CIT: variants seen among roughly 807,000 people sequenced by gnomAD.
CIT encodes the protein citron rho-interacting serine/threonine kinase.
Under a neutral mutation model 272.7 loss-of-function variants are expected in CIT, and 79 were observed. The ratio of observed to expected loss-of-function variants is 0.29; its 90% CI spans 0.24 to 0.35. The LOEUF (loss-of-function observed/expected upper bound fraction) is 0.35, where lower values mean the gene tolerates loss of function less well. Ranked by LOEUF, CIT falls within the 10% of genes least tolerant of loss-of-function variation. The pLI is 1.00. For missense variants in CIT, 1,909 were observed against 2,618.3 expected (o/e 0.73, Z 5.91); for synonymous variants, 948 against 995.6 (o/e 0.95, Z 0.90).
rs1473179813 is a variant in CIT at position 119,691,028 on chromosome 12, C to T, written c.5883-574G>A. Among the ~76,000 whole-genome samples, 9 of 152,154 alleles carry T rather than the reference C, an allele frequency of 5.9e-5. No homozygotes were observed. The East Asian group carries it at 7.7e-4, about 13-fold the overall frequency. On this transcript the variant is annotated intron_variant, in intron 46 of 47. Coordinates refer to ENST00000392521, the MANE Select transcript of CIT (RefSeq NM_001206999.2). ...CTCTACTAAAAATACAAAAATTAGC[C>T]GGGCGTGTTGGCGTGTGCCTGTAGT...
intron 9 of CIT, among the ~76,000 whole-genome samples, chr12:119,814,759 A>G (rs976170367): frequency 2.0e-5 from 3 of 152,322 alleles, no homozygotes; most frequent in Admixed American, 1.3e-4. Flanking sequence ...GAACTTTAAA[A>G]GGCCCAAAAC....
Position 119,710,760 on chromosome 12 carries a change from C to T in CIT, c.4855-140G>A, listed in dbSNP as rs1168126497. ...CTCAGAAACGCACATATGCTCTTAG[C>T]TCAGCCCGTATTTTGATCTGAGCTC... On this transcript the variant is annotated intron_variant, in intron 37 of 47. Coordinates refer to ENST00000392521, the MANE Select transcript of CIT (RefSeq NM_001206999.2). The surrounding 1 kb of genome is among the most constrained non-coding windows in gnomAD (Gnocchi z 5.6). 9.8e-6 allele frequency: 8 copies of T among 812,466 alleles called. No homozygotes were observed. The highest frequency in any genetic ancestry group is 1.6e-5 in the Non-Finnish European group (8 of 501,904). The allele number at this position is 812,466 out of a possible 1,614,324, so 50.3% of individuals were successfully genotyped here.
At chr12:119,704,607 A>G in intron 40 of CIT, 152 bp from the exon 41 acceptor site, 1 of 667,984 alleles carries the variant, frequency 1.5e-6, no homozygotes, top group East Asian at 2.7e-5. Context: ...GCATCGCAGG[A>G]TATGAGCAGT....
chr12:119,835,230 C>T (rs1968913702), intron 5 of CIT, among the ~76,000 whole-genome samples: 1 of 152,232 alleles, frequency 6.6e-6, no homozygotes, highest in African/African-American at 2.4e-5. Flanking sequence ...GCGGCTTCAG[C>T]CTCCTGCTGG....
At chr12:119,765,211 C>A (rs184419600) in intron 19 of CIT, among the ~76,000 whole-genome samples, 113 of 151,812 alleles carry the variant, frequency 7.4e-4, no homozygotes, top group African/African-American at 2.7e-3. Context: ...TGAATCTACT[C>A]AAAAGCCCGG....
intron 3 of CIT, among the ~76,000 whole-genome samples, chr12:119,864,255 C>T (rs1432259720): frequency 6.6e-6 from 1 of 152,038 alleles, no homozygotes; most frequent in African/African-American, 2.4e-5. Flanking sequence ...TTGCCAATAA[C>T]AGCCCAATTT....
rs1399046467 is a variant in CIT at position 119,784,367 on chromosome 12, C to T, written c.1402-316G>A. ...TTTGTTTTTGTTTTGTTTTTGCAGA[C>T]GTCACTTTAATTTTATCCCAAATCC... On this transcript the variant is annotated intron_variant, in intron 11 of 47. Coordinates refer to ENST00000392521, the MANE Select transcript of CIT (RefSeq NM_001206999.2). This position sits in a 1 kb window ranked among gnomAD's most constrained non-coding sequence, Gnocchi z 4.7. 2.1e-5 allele frequency: 27 copies of T among 1,280,972 alleles called. No individual in the cohort carries two copies. Among genetic ancestry groups the T allele is most frequent in the Middle Eastern group, 3.2e-4 (1 of 3,102 alleles). 79.4% of individuals were successfully genotyped at this position (1,280,972 alleles called of 1,614,324 possible).
intron 23 of CIT, among the ~76,000 whole-genome samples, chr12:119,747,914 A>G (rs1959677830): frequency 6.6e-6 from 1 of 152,206 alleles, no homozygotes; most frequent in Non-Finnish European, 1.5e-5. Flanking sequence ...CTGTAATCCC[A>G]GCACTTTGAG....
chr12:119,840,066 C>T (rs996621912), intron 5 of CIT, among the ~76,000 whole-genome samples: 7 of 152,132 alleles, frequency 4.6e-5, no homozygotes, highest in Non-Finnish European at 7.3e-5. Context: ...CCAGGAATGC[C>T]GGCATTTGGG....
At chr12:119,801,960 C>G (rs1477226047) in intron 10 of CIT, among the ~76,000 whole-genome samples, 1 of 152,220 alleles carries the variant, frequency 6.6e-6, no homozygotes, top group Non-Finnish European at 1.5e-5. Context: ...CACATTCAAT[C>G]ACAGCCCACA....
intron 28 of CIT, among the ~76,000 whole-genome samples, chr12:119,726,385 A>ATTTTTTTTTTTTTT (rs3999547): frequency 9.9e-6 from 1 of 101,446 alleles, no homozygotes; most frequent in African/African-American, 4.2e-5. Flanking sequence ...CACTTGGCTA[A>ATTTTTTTTTTTTTT]TTTTTTTTTT....
At chr12:119,849,966 G>A (rs762561453) in intron 5 of CIT, among the ~76,000 whole-genome samples, 33 of 152,314 alleles carry the variant, frequency 2.2e-4, no homozygotes, top group East Asian at 5.8e-4. Context: ...GATTACAGGC[G>A]TGAGCCACCA....
intron 23 of CIT, among the ~76,000 whole-genome samples, chr12:119,745,391 A>AAAAAAAAAAAAAAAT (rs1959221939): frequency 6.9e-6 from 1 of 145,300 alleles, no homozygotes; most frequent in African/African-American, 2.5e-5. Context: ...AAAAAAAAAA[A>AAAAAAAAAAAAAAAT]AAAAAAACAC....
At chr12:119,709,678 T>C (rs1957052303) in intron 39 of CIT, among the ~76,000 whole-genome samples, 1 of 152,036 alleles carries the variant, frequency 6.6e-6, no homozygotes, top group Non-Finnish European at 1.5e-5. Context: ...ACCCTGGTTA[T>C]GTGACAGAAT....
At chr12:119,699,873 G>A (rs1375625501) in intron 44 of CIT, 2 of 455,958 alleles carry the variant, frequency 4.4e-6, no homozygotes, top group African/African-American at 2.0e-5. Flanking sequence ...TCTGGGCCAC[G>A]ACGGCATTTC....
At chr12:119,750,735 A>C (rs1451109164) in intron 23 of CIT, among the ~76,000 whole-genome samples, 3 of 149,664 alleles carry the variant, frequency 2.0e-5, no homozygotes, top group Non-Finnish European at 4.4e-5. Flanking sequence ...AAACTACGTT[A>C]AATATATATA....
intron 3 of CIT, among the ~76,000 whole-genome samples, chr12:119,868,632 G>A (rs1163207531): frequency 2.6e-5 from 4 of 152,160 alleles, no homozygotes; most frequent in African/African-American, 9.7e-5. Context: ...CAACCTCCCG[G>A]GCTCCAGTGA....
chr12:119,783,032 A>C (rs1964447224), intron 12 of CIT: 1 of 156,226 alleles, frequency 6.4e-6, no homozygotes, highest in Non-Finnish European at 1.4e-5. Flanking sequence ...TGCCTCTTTC[A>C]AAGTAGCAAT....
At position 119,710,917 on chromosome 12, in the gene CIT, G is replaced by A; in HGVS notation, c.4855-297C>T. On this transcript the variant is annotated intron_variant, in intron 37 of 47. Transcript: ENST00000392521. The surrounding 1 kb of genome is among the most constrained non-coding windows in gnomAD (Gnocchi z 5.6). ...AAAGCTATTCTGTAATAAGAAATAA[G>A]CTGAAGCTAAGGAGATTTCACCTGC... 1 of 707,656 alleles carries A rather than the reference G, an allele frequency of 1.4e-6. No homozygotes were observed. Among genetic ancestry groups the A allele is most frequent in the African/African-American group, 1.8e-5 (1 of 55,268 alleles). 43.8% of individuals were successfully genotyped at this position (707,656 alleles called of 1,614,324 possible).
Sources: gnomAD v4.1 joint callset for allele counts (sites outside exome capture counted in the v4.1 genomes callset) on GRCh38, gnomAD v4.1.1 for gene constraint, Gnocchi (gnomAD v3.1) non-coding constraint, MANE v1.5 for transcripts, NCBI Gene and HGNC (gene_info 2026-07-23, HGNC 2026-07-21) for gene names.